The following XIRP2 variants were observed in gnomAD, a reference collection of about 807,000 sequenced individuals.
XIRP2 encodes the protein xin actin-binding repeat-containing protein 2.
A neutral mutation model predicts 277.0 loss-of-function variants in XIRP2; 236 were observed. The observed-to-expected ratio is 0.85, with a 90% CI of 0.77 to 0.95. The LOEUF is 0.95. Ranked by LOEUF, XIRP2 falls within the 40% of genes least tolerant of loss-of-function variation. XIRP2 has a pLI of 0.00. For missense variants in XIRP2, 4,640 were observed against 4,157.5 expected (o/e 1.12, Z -3.19); for synonymous variants, 1,490 against 1,416.5 (o/e 1.05, Z -1.17).
intron 5 of XIRP2, among the ~76,000 whole-genome samples, chr2:167,237,553 G>A (rs1467523375): frequency 1.3e-5 from 2 of 152,110 alleles, no homozygotes; most frequent in East Asian, 1.9e-4. Flanking sequence ...TGAACACAGT[G>A]TTACCATGTC....
Position 166,998,922 on chromosome 2 carries a change from C to T in XIRP2, c.408+95032C>T, listed in dbSNP as rs188047605. On this transcript the variant is annotated intron_variant, in intron 2 of 10. Transcript: ENST00000409195. ...GAAACTCATTACAATTTTGATGTACCTCTGTTTATCTTTAACAACTGAAAA... is the reference window on the plus strand; with the variant it reads ...GAAACTCATTACAATTTTGATGTACTTCTGTTTATCTTTAACAACTGAAAA... 4.6e-5 allele frequency among the ~76,000 whole-genome samples: 7 copies of T among 152,134 alleles called. No individual in the cohort carries two copies. In the East Asian group the frequency reaches 1.2e-3, roughly 25 times the overall value.
Position 167,258,507 on chromosome 2 carries a change from G to C in XIRP2, c.*690G>C. The C allele has an allele frequency of 6.2e-7, 1 of 1,613,156 alleles. No homozygotes were observed. Among genetic ancestry groups the C allele is most frequent in the Non-Finnish European group, 8.5e-7 (1 of 1,179,622 alleles). ...GAAGACACAAAGAGTAACAGGAAAAGTGCTATGGATCTTAATGACAACAAT... is the reference window on the plus strand; with the variant it reads ...GAAGACACAAAGAGTAACAGGAAAACTGCTATGGATCTTAATGACAACAAT... On this transcript the variant is annotated 3_prime_UTR_variant, in exon 11 of 11. Transcript: ENST00000409195.
intron 2 of XIRP2, among the ~76,000 whole-genome samples, chr2:166,925,774 C>T (rs903283769): frequency 1.3e-5 from 2 of 151,574 alleles, no homozygotes; most frequent in African/African-American, 4.8e-5. Context: ...ATAAATAAAT[C>T]CTTTTTTGGC....
intron 1 of XIRP2, among the ~76,000 whole-genome samples, chr2:166,900,954 C>G (rs1439246066): frequency 6.6e-6 from 1 of 152,002 alleles, no homozygotes; most frequent in Admixed American, 6.6e-5. Context: ...AAATCCTGGC[C>G]CCACACTTGG....
intron 2 of XIRP2, among the ~76,000 whole-genome samples, chr2:167,113,497 A>G (rs1354188867): frequency 6.6e-6 from 1 of 152,134 alleles, no homozygotes; most frequent in Non-Finnish European, 1.5e-5. Context: ...TTTGCTTGGT[A>G]GATTTTTCTC....
chr2:167,225,857 G>A lies in XIRP2; in HGVS notation c.858+7557G>A, dbSNP rs149144374. 1.5e-4 allele frequency among the ~76,000 whole-genome samples: 23 copies of A among 152,028 alleles called. No homozygotes were observed. In the East Asian group the frequency reaches 4.1e-3, roughly 27 times the overall value. Reference sequence around the variant, plus strand: ...GTTTATCCTCTACAGCTCTTTCTTGGTGCCTGTGGCTGAGTGGGCTTTGAT... The same window carrying A: ...GTTTATCCTCTACAGCTCTTTCTTGATGCCTGTGGCTGAGTGGGCTTTGAT... On this transcript the variant is annotated intron_variant, in intron 5 of 10. Coordinates refer to ENST00000409195, the MANE Select transcript of XIRP2 (RefSeq NM_152381.6).
intron 3 of XIRP2, among the ~76,000 whole-genome samples, chr2:167,143,635 GTTAA>G (rs1235525410): frequency 6.6e-6 from 1 of 152,114 alleles, no homozygotes; most frequent in Non-Finnish European, 1.5e-5. Context: ...TCCAGCTGAG[GTTAA>G]TTAGACTCAG....
chr2:167,221,250 A>G (rs1483309339), intron 5 of XIRP2, among the ~76,000 whole-genome samples: 1 of 152,074 alleles, frequency 6.6e-6, no homozygotes, highest in Non-Finnish European at 1.5e-5. Context: ...AGGTGGGCAG[A>G]TCACCTGAAT....
intron 2 of XIRP2, among the ~76,000 whole-genome samples, chr2:166,987,338 A>G (rs1687033094): frequency 6.6e-6 from 1 of 152,176 alleles, no homozygotes; most frequent in Admixed American, 6.5e-5. Flanking sequence ...TCTTAATGAA[A>G]AGACTTGGAG....
At chr2:166,995,198 A>G (rs192303358) in intron 2 of XIRP2, among the ~76,000 whole-genome samples, 34 of 152,264 alleles carry the variant, frequency 2.2e-4, no homozygotes, top group Non-Finnish European at 3.5e-4. Context: ...TTATTTTAGC[A>G]AAAGCACTAT....
In XIRP2 at chr2:167,040,360, G is replaced by T. The variant is rs58783083; in HGVS notation, c.409-95549G>T. ...CTCTGAAACTAGGAACTCTGCCTGG[G>T]ATTGCTGAGCACAAGGACTCATTCC... On this transcript the variant is annotated intron_variant, in intron 2 of 10. Coordinates refer to ENST00000409195, the MANE Select transcript of XIRP2 (RefSeq NM_152381.6). 3.9e-3 allele frequency among the ~76,000 whole-genome samples: 596 copies of T among 152,192 alleles called. 33 individuals are homozygous for T. The East Asian group carries it at 0.094, about 24-fold the overall frequency.
chr2:167,184,626 C>A (rs1472441864), intron 3 of XIRP2: 2 of 717,068 alleles, frequency 2.8e-6, no homozygotes, highest in African/African-American at 1.7e-5. Flanking sequence ...AGCCTCAAAT[C>A]CTCAACTTAT....
intron 8 of XIRP2, 137 bp downstream of exon 8, chr2:167,242,047 A>G: frequency 8.8e-7 from 1 of 1,137,774 alleles, no homozygotes; most frequent in Middle Eastern, 2.9e-4. Context: ...CAGTTCTGTA[A>G]GGAGAATATT....
At chr2:166,910,502 T>C (rs993157921) in intron 2 of XIRP2, among the ~76,000 whole-genome samples, 4 of 152,222 alleles carry the variant, frequency 2.6e-5, no homozygotes, top group African/African-American at 7.2e-5. Context: ...TTCTTCTCTC[T>C]TTTCTTCTTT....
rs531605873 is a variant in XIRP2 at position 166,955,851 on chromosome 2, G to C, written c.408+51961G>C. On this transcript the variant is annotated intron_variant, in intron 2 of 10. Coordinates refer to ENST00000409195, the MANE Select transcript of XIRP2 (RefSeq NM_152381.6). ...TCTTTTTGGCTAGCATCAGTTCTTT[G>C]GAACATCTTCATCCTTTTCATCACA... is the stretch of plus-strand genomic sequence containing the variant. Among the ~76,000 whole-genome samples the C allele has an allele frequency of 8.7e-5, 13 of 149,738 alleles. No homozygotes were observed. In the South Asian group the frequency reaches 2.7e-3, roughly 31 times the overall value.
chr2:166,964,586 C>G (rs1037016317), intron 2 of XIRP2, among the ~76,000 whole-genome samples: 1 of 151,712 alleles, frequency 6.6e-6, no homozygotes, highest in African/African-American at 2.4e-5. Flanking sequence ...TGCTCTTGAT[C>G]CTCCTTTTAT....
intron 2 of XIRP2, among the ~76,000 whole-genome samples, chr2:167,014,840 A>G (rs1237753817): frequency 6.6e-6 from 1 of 151,788 alleles, no homozygotes; most frequent in Non-Finnish European, 1.5e-5. Flanking sequence ...AGGTTAAATC[A>G]CTTGCTTAAG....
intron 2 of XIRP2, among the ~76,000 whole-genome samples, chr2:166,998,582 AGCTGTGATAGC>A (rs1687286238): frequency 6.6e-6 from 1 of 152,162 alleles, no homozygotes; most frequent in African/African-American, 2.4e-5. Context: ...GCTTGCAGTG[AGCTGTGATAGC>A]GCCACTGCAC....
In XIRP2 at chr2:167,055,196, A is replaced by G. The variant is rs558390463; in HGVS notation, c.409-80713A>G. Reference sequence around the variant, plus strand: ...AACCTTTGAAAACTCCTTTCTCTTCACCGTGCTAAAGACCACAAAGAAAAA... The same window carrying G: ...AACCTTTGAAAACTCCTTTCTCTTCGCCGTGCTAAAGACCACAAAGAAAAA... On this transcript the variant is annotated intron_variant, in intron 2 of 10. Coordinates refer to ENST00000409195, the MANE Select transcript of XIRP2 (RefSeq NM_152381.6). Among the ~76,000 whole-genome samples the G allele has an allele frequency of 2.0e-5, 3 of 152,176 alleles. No homozygotes were observed. The East Asian group carries it at 5.8e-4, about 29-fold the overall frequency.
Sources: gnomAD v4.1 joint callset for allele counts (sites outside exome capture counted in the v4.1 genomes callset) on GRCh38, gnomAD v4.1.1 for gene constraint, MANE v1.5 for transcripts, NCBI Gene and HGNC (gene_info 2026-07-23, HGNC 2026-07-21) for gene names.